MTUS2: variants seen among roughly 807,000 people sequenced by gnomAD.
MTUS2 encodes microtubule associated scaffold protein 2.
A neutral mutation model predicts 114.1 loss-of-function variants in MTUS2; 40 were observed. The observed-to-expected ratio is 0.35, with a 90% confidence interval of 0.27 to 0.46. The LOEUF (loss-of-function observed/expected upper bound fraction) is 0.46, where lower values mean the gene tolerates loss of function less well. Ranked by LOEUF, MTUS2 falls within the 20% of genes least tolerant of loss-of-function variation. The pLI is 1.00. For missense variants in MTUS2, 1,679 were observed against 1,705.4 expected (o/e 0.98, Z 0.27); for synonymous variants, 688 against 672.0 (o/e 1.02, Z -0.37).
intron 2 of MTUS2, among the ~76,000 whole-genome samples, chr13:28,916,391 A>G (rs1181752401): frequency 6.6e-6 from 1 of 151,980 alleles, no homozygotes; most frequent in East Asian, 1.9e-4. Flanking sequence ...TTTGGGTAGT[A>G]TGGGCATTTT....
intron 1 of MTUS2, among the ~76,000 whole-genome samples, chr13:28,837,155 C>T (rs1282053909): frequency 6.6e-6 from 1 of 152,154 alleles, no homozygotes; most frequent in African/African-American, 2.4e-5. Flanking sequence ...TGTAGTTGTG[C>T]TCCAGCAGTA....
In MTUS2 at chr13:29,433,688, T is replaced by G. The variant is rs1877182558; in HGVS notation, c.3118-6295T>G. On this transcript the variant is annotated intron_variant, in intron 8 of 15. Transcript: ENST00000612955. ...AACTCAGATACTTGTATTTTGTTGC[T>G]GTTTCCTTGCAGCTGGTTCATTTTG... 3.9e-5 allele frequency among the ~76,000 whole-genome samples: 6 copies of G among 152,188 alleles called. No individual in the cohort carries two copies. The South Asian group carries it at 1.2e-3, about 32-fold the overall frequency.
intron 1 of MTUS2, among the ~76,000 whole-genome samples, chr13:28,833,326 A>G (rs1874836144): frequency 6.6e-6 from 1 of 152,086 alleles, no homozygotes; most frequent in South Asian, 2.1e-4. Context: ...ATACTACCAA[A>G]CAGAAATCAG....
At chr13:29,143,138 C>CT (rs2139009236) in intron 5 of MTUS2, among the ~76,000 whole-genome samples, 1 of 152,326 alleles carries the variant, frequency 6.6e-6, no homozygotes, top group Admixed American at 6.5e-5. Flanking sequence ...AAGGCATTCT[C>CT]TAAGTCCTGT....
intron 2 of MTUS2, among the ~76,000 whole-genome samples, chr13:28,934,614 C>G (rs1439376291): frequency 6.6e-6 from 1 of 152,160 alleles, no homozygotes; most frequent in African/African-American, 2.4e-5. Context: ...ACCTTCCCCT[C>G]CCGGGTTCAA....
intron 9 of MTUS2, among the ~76,000 whole-genome samples, chr13:29,462,200 T>C (rs1879544298): frequency 6.6e-6 from 1 of 152,212 alleles, no homozygotes; most frequent in South Asian, 2.1e-4. Flanking sequence ...CTGGGGATCC[T>C]CTTTTGAGAA....
chr13:29,116,060 G>C (rs1230975440), intron 5 of MTUS2, among the ~76,000 whole-genome samples: 3 of 152,124 alleles, frequency 2.0e-5, no homozygotes, highest in African/African-American at 7.2e-5. Flanking sequence ...TTAACCTGGA[G>C]CATACCGAGA....
chr13:28,851,836 T>TAA (rs1876295301), intron 2 of MTUS2, among the ~76,000 whole-genome samples: 1 of 152,136 alleles, frequency 6.6e-6, no homozygotes, highest in Admixed American at 6.5e-5. Context: ...CAGCTTGGCC[T>TAA]GGGGCACCGC....
chr13:28,948,373 G>A (rs898735195), intron 2 of MTUS2, among the ~76,000 whole-genome samples: 2 of 152,124 alleles, frequency 1.3e-5, no homozygotes, highest in African/African-American at 4.8e-5. Flanking sequence ...GAAGTTACAG[G>A]AGGCATTTAT....
rs553524182 is a variant in MTUS2, at chr13:29,414,455, T to TA, written c.3118-25517dup. ...ATGTACCCTAAAACTTAGAGTATAA[T>TA]AAAAAAAAAAATTAAAAAAAAAAAA... On this transcript the variant is annotated intron_variant, in intron 8 of 15. Coordinates refer to ENST00000612955, the MANE Select transcript of MTUS2 (RefSeq NM_001033602.4). Among the ~76,000 whole-genome samples, 40 of 71,392 alleles carry TA rather than the reference T, an allele frequency of 5.6e-4. No homozygotes were observed. In the East Asian group the frequency reaches 0.01, roughly 18 times the overall value. 46.8% of individuals were successfully genotyped at this position (71,392 alleles called of 152,430 possible).
At chr13:29,140,938 G>A (rs899210144) in intron 5 of MTUS2, among the ~76,000 whole-genome samples, 3 of 152,150 alleles carry the variant, frequency 2.0e-5, no homozygotes, top group Admixed American at 1.3e-4. Flanking sequence ...AAAAATCGGT[G>A]TCGATGTGCA....
chr13:29,244,854 G>C (rs1334240254), intron 5 of MTUS2, among the ~76,000 whole-genome samples: 1 of 147,266 alleles, frequency 6.8e-6, no homozygotes, highest in Admixed American at 6.8e-5. Context: ...TACTTGGGAG[G>C]CTGAGGCAGG....
At chr13:29,165,063 C>T (rs1893258099) in intron 5 of MTUS2, among the ~76,000 whole-genome samples, 1 of 152,172 alleles carries the variant, frequency 6.6e-6, no homozygotes, top group African/African-American at 2.4e-5. Flanking sequence ...AGAAACTGCA[C>T]TACACAGCAG....
intron 4 of MTUS2, among the ~76,000 whole-genome samples, chr13:29,047,496 T>A (rs1314157660): frequency 2.7e-5 from 4 of 150,602 alleles, no homozygotes; most frequent in Non-Finnish European, 4.4e-5. Context: ...ATAGTTCACA[T>A]ACCATAAAAT....
In MTUS2 at chr13:29,504,619, T is replaced by C. The variant is rs916540145; in HGVS notation, c.*1413T>C. On this transcript the variant is annotated 3_prime_UTR_variant, in exon 16 of 16. Coordinates refer to ENST00000612955, the MANE Select transcript of MTUS2 (RefSeq NM_001033602.4). ...GGACTGGCATCTGTCTCTAAAATGGTAGAATTAGGATATGAACAGTACTCA... is the reference window on the plus strand; with the variant it reads ...GGACTGGCATCTGTCTCTAAAATGGCAGAATTAGGATATGAACAGTACTCA... 7.3e-5 allele frequency: 17 copies of C among 232,794 alleles called. No homozygotes were observed. The highest frequency in any genetic ancestry group is 1.4e-4 in the Non-Finnish European group (17 of 117,882). 14.4% of individuals were successfully genotyped at this position (232,794 alleles called of 1,614,324 possible).
At chr13:28,848,636 G>C (rs2138018999) in intron 2 of MTUS2, among the ~76,000 whole-genome samples, 1 of 152,114 alleles carries the variant, frequency 6.6e-6, no homozygotes, top group South Asian at 2.1e-4. Flanking sequence ...AATTAACTTA[G>C]AAGAGTCTTT....
At chr13:28,888,757 A>G (rs557550553) in intron 2 of MTUS2, among the ~76,000 whole-genome samples, 1 of 152,248 alleles carries the variant, frequency 6.6e-6, no homozygotes, top group Admixed American at 6.5e-5. Flanking sequence ...GCTGTTGATT[A>G]TTATTCTGCC....
At chr13:28,988,329 A>G (rs762504298) in intron 2 of MTUS2, among the ~76,000 whole-genome samples, 51 of 152,226 alleles carry the variant, frequency 3.4e-4, no homozygotes, top group Admixed American at 1.1e-3. Flanking sequence ...TGGGAATGAT[A>G]TATGCACCTA....
chr13:29,392,338 G>A (rs963657216), intron 8 of MTUS2, among the ~76,000 whole-genome samples: 1 of 152,046 alleles, frequency 6.6e-6, no homozygotes, highest in South Asian at 2.1e-4. Flanking sequence ...TTGTCTGCTT[G>A]TGACTGGCTT....
Sources: gnomAD v4.1 joint callset for allele counts (sites outside exome capture counted in the v4.1 genomes callset) on GRCh38, gnomAD v4.1.1 for gene constraint, MANE v1.5 for transcripts, NCBI Gene and HGNC (gene_info 2026-07-23, HGNC 2026-07-21) for gene names.